LSP1: variants seen among roughly 807,000 people sequenced by gnomAD.
LSP1 encodes the protein lymphocyte specific protein 1.
A neutral mutation model predicts 49.3 loss-of-function variants in LSP1; 32 were observed. The observed-to-expected ratio is 0.65, with a 90% CI of 0.49 to 0.87. The LOEUF is 0.87. Among genes scored for constraint, LSP1 ranks in the 40% least tolerant of loss-of-function variants. The probability of loss-of-function intolerance (pLI) is 0.00; values close to 1 mark genes in which losing one functional copy is unlikely to be tolerated. For missense variants in LSP1, 428 were observed against 442.6 expected (o/e 0.97, Z 0.30); for synonymous variants, 179 against 178.8 (o/e 1.00, Z -0.01).
intron 1 of LSP1, among the ~76,000 whole-genome samples, chr11:1,855,783 GC>G (rs978850889): frequency 2.0e-5 from 3 of 152,228 alleles, no homozygotes; most frequent in Non-Finnish European, 4.4e-5. Context: ...TCACAGAGCT[GC>G]CTTGTGGCTC....
chr11:1,859,426 C>G (rs759771517), intron 1 of LSP1: 3 of 153,340 alleles, frequency 2.0e-5, no homozygotes, highest in Non-Finnish European at 4.4e-5. Context: ...AGAGCACGTC[C>G]CCCTCATCTC....
chr11:1,866,959 TC>T, intron 1 of LSP1: 1 of 1,441,592 alleles, frequency 6.9e-7, no homozygotes, highest in Non-Finnish European at 9.2e-7. Flanking sequence ...GGGCCCAGGC[TC>T]GGGGCCAGTC....
chr11:1,880,292 G>C lies in LSP1; in HGVS notation c.191+68G>C, dbSNP rs550150180. The C allele has an allele frequency of 7.9e-4, 1,152 of 1,459,958 alleles. 17 individuals are homozygous for C. The South Asian group carries it at 0.016, about 20-fold the overall frequency. The allele number at this position is 1,459,958 out of a possible 1,614,324, so 90.4% of individuals were successfully genotyped here. ...CGTGTACCCTGGGGCCTGGGCAGAG[G>C]GGGAGGTCAAGGGCCTGGGCTTGGG... On this transcript the variant is annotated intron_variant, in intron 2 of 10. Coordinates refer to ENST00000311604, the MANE Select transcript of LSP1 (RefSeq NM_002339.3).
chr11:1,886,014 C>A (rs979884531), intron 7 of LSP1, among the ~76,000 whole-genome samples: 1 of 152,070 alleles, frequency 6.6e-6, no homozygotes, highest in Non-Finnish European at 1.5e-5. Context: ...TCCATCCAAC[C>A]AGTACTCCTC....
chr11:1,860,288 A>G (rs1221907406), intron 1 of LSP1, among the ~76,000 whole-genome samples: 1 of 28,646 alleles, frequency 3.5e-5, no homozygotes, highest in Non-Finnish European at 7.2e-5. Context: ...ATGGATGGAT[A>G]ATTGAATGAT....
At chr11:1,862,761 T>C (rs61868769) in intron 1 of LSP1, among the ~76,000 whole-genome samples, 20 of 143,758 alleles carry the variant, frequency 1.4e-4, no homozygotes, top group African/African-American at 3.9e-4. Context: ...CCCTAGGTAA[T>C]CTCGCCTCCC....
chr11:1,854,944 G>A lies in LSP1; in HGVS notation c.53+1747G>A, dbSNP rs529544584. Among the ~76,000 whole-genome samples the A allele has an allele frequency of 6.6e-5, 10 of 152,270 alleles. No homozygotes were observed. In the South Asian group the frequency reaches 1.2e-3, roughly 19 times the overall value. On this transcript the variant is annotated intron_variant, in intron 1 of 10. Transcript: ENST00000311604. ...GATCCCCCGGGCCAGGAGCGGGGAGGGGGGGTTGGAGCGGGCATGGCCAAG... is the reference window on the plus strand; with the variant it reads ...GATCCCCCGGGCCAGGAGCGGGGAGAGGGGGTTGGAGCGGGCATGGCCAAG...
Position 1,884,866 on chromosome 11 carries a change from T to C in LSP1, c.717+285T>C, listed in dbSNP as rs888691884. On this transcript the variant is annotated intron_variant, in intron 7 of 10. Transcript: ENST00000311604. This position sits in a 1 kb window ranked among gnomAD's most constrained non-coding sequence, Gnocchi z 4.1. ...TCTGCATCCAATTAATGTTCCTTTATACAACCAATACTCCTGCAACCAATA... is the reference window on the plus strand; with the variant it reads ...TCTGCATCCAATTAATGTTCCTTTACACAACCAATACTCCTGCAACCAATA... Among the ~76,000 whole-genome samples the C allele has an allele frequency of 6.6e-6, 1 of 151,870 alleles. No homozygotes were observed. Among genetic ancestry groups the C allele is most frequent in the Non-Finnish European group, 1.5e-5 (1 of 67,978 alleles).
intron 1 of LSP1, among the ~76,000 whole-genome samples, chr11:1,867,611 C>T (rs1288335470): frequency 6.6e-6 from 1 of 152,162 alleles, no homozygotes; most frequent in African/African-American, 2.4e-5. Flanking sequence ...CCACCCGCAT[C>T]ACCCCACCCC....
At chr11:1,869,473 T>C (rs1589813348) in intron 1 of LSP1, among the ~76,000 whole-genome samples, 1 of 148,732 alleles carries the variant, frequency 6.7e-6, no homozygotes, top group South Asian at 2.1e-4. Context: ...GGGTGCAGGG[T>C]GGTGGCAGGA....
intron 1 of LSP1, among the ~76,000 whole-genome samples, chr11:1,855,372 T>C (rs1847463171): frequency 6.6e-6 from 1 of 152,108 alleles, no homozygotes; most frequent in Non-Finnish European, 1.5e-5. Context: ...CCCGTGCATG[T>C]CACAGAGTGC....
intron 1 of LSP1, among the ~76,000 whole-genome samples, chr11:1,874,133 C>CCGGCAGAGCAGGG (rs1848199956): frequency 7.7e-6 from 1 of 129,406 alleles, no homozygotes; most frequent in Non-Finnish European, 1.7e-5. Context: ...ACAGTGGGGG[C>CCGGCAGAGCAGGG]AGGCCGGGGA....
At chr11:1,865,418 C>G (rs1847754534) in intron 1 of LSP1, among the ~76,000 whole-genome samples, 1 of 150,646 alleles carries the variant, frequency 6.6e-6, no homozygotes, top group Non-Finnish European at 1.5e-5. Flanking sequence ...GTTGCGTGTA[C>G]ATGTGTGAGT....
chr11:1,870,448 G>A, intron 1 of LSP1: 1 of 1,202,836 alleles, frequency 8.3e-7, no homozygotes, highest in South Asian at 1.5e-5. Flanking sequence ...TCTGGGAGGG[G>A]CTGGTCAGCC....
chr11:1,879,963 G>T lies in LSP1; in HGVS notation c.54-124G>T, dbSNP rs543697882. ...GAGGCCTGAGGGCCGGCCTGGGACT[G>T]ACCTCGTGGACAGGGCTGCCTGCAC... On this transcript the variant is annotated intron_variant, in intron 1 of 10. Coordinates refer to ENST00000311604, the MANE Select transcript of LSP1 (RefSeq NM_002339.3). 122 of 1,204,316 alleles carry T rather than the reference G, an allele frequency of 1.0e-4. No individual in the cohort carries two copies. In the African/African-American group the frequency reaches 1.5e-3, roughly 15 times the overall value. 74.6% of individuals were successfully genotyped at this position (1,204,316 alleles called of 1,614,324 possible).
intron 10 of LSP1, chr11:1,889,293 G>T: frequency 1.4e-6 from 1 of 699,670 alleles, no homozygotes; most frequent in Non-Finnish European, 2.6e-6. Flanking sequence ...GGGCAGGCGG[G>T]TGAGGCTGGC....
chr11:1,889,933 TG>T, intron 10 of LSP1: 1 of 630,214 alleles, frequency 1.6e-6, no homozygotes, highest in Non-Finnish European at 2.9e-6. Flanking sequence ...GGCTGGGCCC[TG>T]GGGGGACTTG....
chr11:1,879,587 C>A (rs1028954464), intron 1 of LSP1, among the ~76,000 whole-genome samples: 14 of 152,198 alleles, frequency 9.2e-5, no homozygotes, highest in African/African-American at 3.1e-4. Flanking sequence ...CTCCAACACG[C>A]CCTGCCTTTG....
At position 1,854,199 on chromosome 11, in the gene LSP1, G is replaced by A. The variant is rs541430343; in HGVS notation, c.53+1002G>A. Among the ~76,000 whole-genome samples the A allele has an allele frequency of 9.1e-4, 139 of 152,270 alleles. 4 individuals carry two copies. Among genetic ancestry groups the A allele is most frequent in the Admixed American group, 8.8e-3 (135 of 15,304 alleles). Reference sequence around the variant, plus strand: ...GAGGCCGGCCTAGGAGCAGGTCAGCGGGGGCTGTGGCCTGGTGTGCGGAAG... The same window carrying A: ...GAGGCCGGCCTAGGAGCAGGTCAGCAGGGGCTGTGGCCTGGTGTGCGGAAG... On this transcript the variant is annotated intron_variant, in intron 1 of 10. Coordinates refer to ENST00000311604, the MANE Select transcript of LSP1 (RefSeq NM_002339.3).
Sources: gnomAD v4.1 joint callset for allele counts (sites outside exome capture counted in the v4.1 genomes callset) on GRCh38, gnomAD v4.1.1 for gene constraint, Gnocchi (gnomAD v3.1) non-coding constraint, MANE v1.5 for transcripts, NCBI Gene and HGNC (gene_info 2026-07-23, HGNC 2026-07-21) for gene names.